The following ROBO2 variants were observed in gnomAD, a reference collection of about 807,000 sequenced individuals.
ROBO2 encodes the protein roundabout homolog 2.
In ROBO2, 53 loss-of-function variants were observed where a neutral mutation model predicts 160.8. That is an observed-to-expected ratio of 0.33 (90% CI 0.26 to 0.41). The LOEUF (loss-of-function observed/expected upper bound fraction) is 0.41, where lower values mean the gene tolerates loss of function less well. ROBO2 is among the 10% of genes least tolerant of loss of function. The probability of loss-of-function intolerance (pLI) is 1.00; values close to 1 mark genes in which losing one functional copy is unlikely to be tolerated. For missense variants in ROBO2, 1,577 were observed against 1,722.4 expected, an observed-to-expected ratio of 0.92 and a Z score of 1.49; for synonymous variants, 664 against 611.7, an observed-to-expected ratio of 1.09 and a Z score of -1.26.
At chr3:76,048,792 C>G (rs1295669376) in intron 2 of ROBO2, among the ~76,000 whole-genome samples, 2 of 152,118 alleles carry the variant, frequency 1.3e-5, no homozygotes, top group Non-Finnish European at 2.9e-5. Context: ...TGAAGATTGA[C>G]AGGAGAGTAA....
At chr3:77,268,064 T>G (rs543350226) in intron 2 of ROBO2, among the ~76,000 whole-genome samples, 30 of 152,330 alleles carry the variant, frequency 2.0e-4, no homozygotes, top group Admixed American at 1.5e-3. Flanking sequence ...TCACTGCATT[T>G]GGATGTAGTA....
chr3:76,320,365 T>C (rs2072416616), intron 2 of ROBO2, among the ~76,000 whole-genome samples: 1 of 152,140 alleles, frequency 6.6e-6, no homozygotes, highest in Admixed American at 6.5e-5. Flanking sequence ...TATTGTCAAT[T>C]TACAGCTCTT....
intron 1 of ROBO2, among the ~76,000 whole-genome samples, chr3:77,094,311 A>G (rs564649865): frequency 1.4e-4 from 21 of 152,342 alleles, no homozygotes; most frequent in Admixed American, 1.3e-3. Flanking sequence ...ATGTTGTAGC[A>G]TGTATTATTA....
chr3:76,733,952 A>G (rs932574554), intron 2 of ROBO2, among the ~76,000 whole-genome samples: 2 of 152,210 alleles, frequency 1.3e-5, no homozygotes, highest in Admixed American at 6.5e-5. Flanking sequence ...CTCTATGTGA[A>G]GGAAACCAGA....
rs539385955 is a variant in ROBO2, at chr3:77,323,326, A to C, written c.389-154088A>C. 4.0e-5 allele frequency among the ~76,000 whole-genome samples: 6 copies of C among 151,638 alleles called. No homozygotes were observed. The South Asian group carries it at 1.2e-3, about 32-fold the overall frequency. On this transcript the variant is annotated intron_variant, in intron 2 of 25. Coordinates refer to ENST00000461745, the Ensembl canonical transcript of ROBO2. ...CTTTGGCAATACTCACCTGCTGTTG[A>C]CTTTTCATACTTGCTCTCCTGAGTT...
chr3:76,080,630 G>C (rs910681391), intron 2 of ROBO2, among the ~76,000 whole-genome samples: 18 of 152,142 alleles, frequency 1.2e-4, no homozygotes, highest in Admixed American at 1.2e-3. Context: ...TGTCTACTCA[G>C]TTGTCACATT....
At chr3:76,348,776 C>T (rs1415868800) in intron 2 of ROBO2, among the ~76,000 whole-genome samples, 1 of 152,058 alleles carries the variant, frequency 6.6e-6, no homozygotes, top group Non-Finnish European at 1.5e-5. Context: ...TCTTTTCAGC[C>T]AAGGCCGTCT....
rs928869706 is a variant in ROBO2 at position 77,429,447 on chromosome 3, C to A, written c.389-47967C>A. ...CCTTCCTCAGACTTGATTGGAAATTCTTCCTTTATGCAATCAACTAATCAT... is the reference window on the plus strand; with the variant it reads ...CCTTCCTCAGACTTGATTGGAAATTATTCCTTTATGCAATCAACTAATCAT... On this transcript the variant is annotated intron_variant, in intron 2 of 25. Transcript: ENST00000461745. Among the ~76,000 whole-genome samples, 23 of 152,072 alleles carry A rather than the reference C, an allele frequency of 1.5e-4. 1 individual carries two copies. The highest frequency in any genetic ancestry group is 2.4e-4 in the Non-Finnish European group (16 of 68,006).
At chr3:76,340,958 T>C (rs146462772) in intron 2 of ROBO2, among the ~76,000 whole-genome samples, 1 of 152,266 alleles carries the variant, frequency 6.6e-6, no homozygotes, top group African/African-American at 2.4e-5. Context: ...GGCAAAAATG[T>C]AATGAATTTA....
rs142673249 is a variant in ROBO2 at position 76,346,226 on chromosome 3, G to A, written c.109+408624G>A. Reference sequence around the variant, plus strand: ...GCTCTCCAAGTTACTAGTACTAACAGTTTTTTATAGTCCATTAAGAGAATT... The same window carrying A: ...GCTCTCCAAGTTACTAGTACTAACAATTTTTTATAGTCCATTAAGAGAATT... On this transcript the variant is annotated intron_variant, in intron 2 of 26. Coordinates refer to the ROBO2 transcript ENST00000487694. 9.4e-3 allele frequency among the ~76,000 whole-genome samples: 1,420 copies of A among 151,424 alleles called. 22 individuals are homozygous for A. Among genetic ancestry groups the A allele is most frequent in the African/African-American group, 0.032 (1,320 of 41,386 alleles).
intron 2 of ROBO2, among the ~76,000 whole-genome samples, chr3:76,912,382 CT>C (rs1386839639): frequency 6.6e-6 from 1 of 152,082 alleles, no homozygotes; most frequent in African/African-American, 2.4e-5. Flanking sequence ...GCTTCTCTTA[CT>C]TGTAGTTTTT....
chr3:76,149,615 AAC>A lies in ROBO2; in HGVS notation c.109+212019_109+212020del, dbSNP rs376769304. On this transcript the variant is annotated intron_variant, in intron 2 of 26. Coordinates refer to the ROBO2 transcript ENST00000487694. ...TCTAAAACACACATCATCTGTCTAA[AAC>A]ACACATCTGTCTAAAGCACACATCT... is the stretch of plus-strand genomic sequence containing the variant. Among the ~76,000 whole-genome samples the A allele has an allele frequency of 4.6e-5, 6 of 130,098 alleles. 2 individuals carry two copies. Among genetic ancestry groups the A allele is most frequent in the Non-Finnish European group, 7.1e-5 (4 of 56,096 alleles). 85.3% of individuals were successfully genotyped at this position (130,098 alleles called of 152,430 possible). A position where few individuals can be genotyped will look rare whatever the true frequency, so the allele number is the denominator to read the frequency against.
At chr3:76,356,012 C>T (rs1187657621) in intron 2 of ROBO2, among the ~76,000 whole-genome samples, 1 of 151,162 alleles carries the variant, frequency 6.6e-6, no homozygotes, top group Non-Finnish European at 1.5e-5. Flanking sequence ...TAGAAGGCCT[C>T]AAGAAAACAG....
chr3:75,911,544 C>A (rs954133023), intron 1 of ROBO2, among the ~76,000 whole-genome samples: 1 of 131,772 alleles, frequency 7.6e-6, no homozygotes, highest in Non-Finnish European at 1.7e-5. Flanking sequence ...CTTTCTGAAG[C>A]CTTGTTTCTT....
chr3:76,818,805 C>A (rs2065892135), intron 2 of ROBO2, among the ~76,000 whole-genome samples: 1 of 152,026 alleles, frequency 6.6e-6, no homozygotes, highest in African/African-American at 2.4e-5. Context: ...TACTCCATTC[C>A]ATTGGCCCAT....
At chr3:76,327,313 T>G (rs2073110334) in intron 2 of ROBO2, among the ~76,000 whole-genome samples, 1 of 152,106 alleles carries the variant, frequency 6.6e-6, no homozygotes, top group South Asian at 2.1e-4. Flanking sequence ...TTGGTAATAT[T>G]TATATATTTG....
chr3:76,772,218 G>A (rs72894234), intron 2 of ROBO2, among the ~76,000 whole-genome samples: 1 of 151,042 alleles, frequency 6.6e-6, no homozygotes. Context: ...ATTTTTAAGG[G>A]TTTCTTGTAT....
intron 1 of ROBO2, among the ~76,000 whole-genome samples, chr3:77,045,349 T>C (rs1342453234): frequency 9.9e-5 from 15 of 152,180 alleles, no homozygotes; most frequent in Non-Finnish European, 8.8e-5. Flanking sequence ...TTAGGCTCTT[T>C]CATCTAATCA....
intron 2 of ROBO2, among the ~76,000 whole-genome samples, chr3:76,140,671 TAAA>T (rs2071599335): frequency 6.6e-6 from 1 of 151,784 alleles, no homozygotes; most frequent in Non-Finnish European, 1.5e-5. Flanking sequence ...CTCTACATGT[TAAA>T]AAGTGTGTCC....
Sources: allele counts gnomAD v4.1 joint callset (sites outside exome capture counted in the v4.1 genomes callset), GRCh38; gene constraint gnomAD v4.1.1; transcripts MANE v1.5; gene names NCBI Gene and HGNC (gene_info 2026-07-23, HGNC 2026-07-21).